Variants in GALNT18 observed in about 807,000 individuals in gnomAD.
The protein encoded by GALNT18 is GalNAc-transferase 18.
Under a neutral mutation model 69.5 loss-of-function variants are expected in GALNT18, and 44 were observed. The ratio of observed to expected loss-of-function variants is 0.63; its 90% CI spans 0.50 to 0.81. The LOEUF is 0.81. GALNT18 is among the 40% of genes least tolerant of loss of function. The pLI is 0.00. For synonymous variants in GALNT18, 364 were observed against 318.2 expected, an observed-to-expected ratio of 1.14 and a Z score of -1.53; for missense variants, 715 against 810.0, an observed-to-expected ratio of 0.88 and a Z score of 1.42.
intron 5 of GALNT18, among the ~76,000 whole-genome samples, chr11:11,374,759 A>C (rs1053099227): frequency 1.3e-5 from 2 of 152,252 alleles, no homozygotes; most frequent in African/African-American, 4.8e-5. Context: ...AAAATTTAAA[A>C]TACATAGAGA....
In GALNT18 at chr11:11,582,301, G is replaced by A. The variant is rs1262880078; in HGVS notation, c.235+39058C>T. 6.6e-6 allele frequency among the ~76,000 whole-genome samples: 1 copy of A among 152,204 alleles called. No individual in the cohort carries two copies. Among genetic ancestry groups the A allele is most frequent in the Non-Finnish European group, 1.5e-5 (1 of 68,046 alleles). ...TGGAGGGAGAAAAGGGCAGGGAGCTGGGCATGGCCAGGAGGCAAAGGGCCT... is the reference window on the plus strand; with the variant it reads ...TGGAGGGAGAAAAGGGCAGGGAGCTAGGCATGGCCAGGAGGCAAAGGGCCT... On this transcript the variant is annotated intron_variant, in intron 1 of 10. Transcript: ENST00000227756. The surrounding 1 kb of genome is among the most constrained non-coding windows in gnomAD (Gnocchi z 5.0).
rs1018881752 is a variant in GALNT18 at position 11,372,712 on chromosome 11, G to C, written c.978-83C>G. On this transcript the variant is annotated intron_variant, in intron 5 of 10. Coordinates refer to ENST00000227756, the MANE Select transcript of GALNT18 (RefSeq NM_198516.3). The surrounding 1 kb of genome is among the most constrained non-coding windows in gnomAD (Gnocchi z 4.9). ...GCAGTAAGGCCTTCCTATCAGGAGG[G>C]TCTGGTTCTCTTCCTTCCTTTGCTG... The C allele has an allele frequency of 2.8e-6, 3 of 1,065,394 alleles. No individual in the cohort carries two copies. The African/African-American group carries it at 4.7e-5, about 17-fold the overall frequency. The allele number at this position is 1,065,394 out of a possible 1,614,324, so 66.0% of individuals were successfully genotyped here.
At chr11:11,485,537 A>G (rs1856625144) in intron 1 of GALNT18, among the ~76,000 whole-genome samples, 1 of 152,226 alleles carries the variant, frequency 6.6e-6, no homozygotes, top group South Asian at 2.1e-4. Flanking sequence ...ATGAAGACCA[A>G]CTATGCATTT....
intron 3 of GALNT18, among the ~76,000 whole-genome samples, chr11:11,379,497 C>G (rs1417759595): frequency 6.6e-6 from 1 of 152,190 alleles, no homozygotes; most frequent in Non-Finnish European, 1.5e-5. Context: ...CAGCAATGCA[C>G]AGGGTCATAT....
At chr11:11,410,348 C>T (rs967228301) in intron 3 of GALNT18, among the ~76,000 whole-genome samples, 1 of 152,160 alleles carries the variant, frequency 6.6e-6, no homozygotes, top group Non-Finnish European at 1.5e-5. Flanking sequence ...GTGCCACCTG[C>T]TCCTTGCCAG....
At chr11:11,608,660 C>T (rs866453390) in intron 1 of GALNT18, among the ~76,000 whole-genome samples, 1 of 152,114 alleles carries the variant, frequency 6.6e-6, no homozygotes, top group Non-Finnish European at 1.5e-5. Context: ...AGCACCTGGC[C>T]GATTGTCTTC....
In GALNT18 at chr11:11,459,898, T is replaced by C. The variant is rs1232536901; in HGVS notation, c.236-10962A>G. Among the ~76,000 whole-genome samples, 3 of 152,122 alleles carry C rather than the reference T, an allele frequency of 2.0e-5. No individual in the cohort carries two copies. Among genetic ancestry groups the C allele is most frequent in the Non-Finnish European group, 4.4e-5 (3 of 68,012 alleles). ...AAAATCAAGGTGTTGGTAGGGCCAT[T>C]CTCCTTTCTGGAAGCTCTGGAGGAG... is the stretch of plus-strand genomic sequence containing the variant. On this transcript the variant is annotated intron_variant, in intron 1 of 10. Coordinates refer to ENST00000227756, the MANE Select transcript of GALNT18 (RefSeq NM_198516.3). The surrounding 1 kb of genome is among the most constrained non-coding windows in gnomAD (Gnocchi z 5.0).
Position 11,332,897 on chromosome 11 carries a change from T to G in GALNT18, c.1279-66A>C. On this transcript the variant is annotated intron_variant, in intron 7 of 10. Transcript: ENST00000227756. The surrounding 1 kb of genome is among the most constrained non-coding windows in gnomAD (Gnocchi z 4.3). ...GTTGCAGCTTCTCCCCAAACTCTAC[T>G]TTGGCATGACCTTGTGCCCCCAACA... 2 of 1,574,360 alleles carry G rather than the reference T, an allele frequency of 1.3e-6. No homozygotes were observed. Among genetic ancestry groups the G allele is most frequent in the Middle Eastern group, 2.3e-4 (1 of 4,426 alleles).
chr11:11,565,000 C>T lies in GALNT18; in HGVS notation c.235+56359G>A, dbSNP rs1257750414. Among the ~76,000 whole-genome samples, 1 of 152,172 alleles carries T rather than the reference C, an allele frequency of 6.6e-6. No homozygotes were observed. Among genetic ancestry groups the T allele is most frequent in the African/African-American group, 2.4e-5 (1 of 41,436 alleles). On this transcript the variant is annotated intron_variant, in intron 1 of 10. Coordinates refer to ENST00000227756, the MANE Select transcript of GALNT18 (RefSeq NM_198516.3). This position sits in a 1 kb window ranked among gnomAD's most constrained non-coding sequence, Gnocchi z 4.3. ...CTGCAGAAGATAATATATTCCTTCACAGGTTAAACTCGGGGTGCCAGGGAT... is the reference window on the plus strand; with the variant it reads ...CTGCAGAAGATAATATATTCCTTCATAGGTTAAACTCGGGGTGCCAGGGAT...
At position 11,377,229 on chromosome 11, in the gene GALNT18, A is replaced by C; in HGVS notation, c.930T>G (p.Asn310Lys). 1 of 1,613,416 alleles carries C rather than the reference A, an allele frequency of 6.2e-7. No individual in the cohort carries two copies. Among genetic ancestry groups the C allele is most frequent in the Non-Finnish European group, 8.5e-7 (1 of 1,179,966 alleles). Residue 310 changes from asparagine to lysine, a missense_variant, in exon 5 of 11, where the codon AAT becomes AAG. By Grantham distance (94) the Asn-to-Lys change is moderately conservative (BLOSUM62 0). Transcript: ENST00000227756. The surrounding 1 kb of genome is among the most constrained non-coding windows in gnomAD (Gnocchi z 4.6). ...CCAGCTTCCACCAGGCCTTGGGGGGATTTAGGTAGCGGCACCACAGCTCCC... is the reference window on the plus strand; with the variant it reads ...CCAGCTTCCACCAGGCCTTGGGGGGCTTTAGGTAGCGGCACCACAGCTCCC... ...FDWELWCRYL[N>K]PPKAWWKLEN...
At chr11:11,588,552 T>C (rs976485222) in intron 1 of GALNT18, among the ~76,000 whole-genome samples, 3 of 152,154 alleles carry the variant, frequency 2.0e-5, no homozygotes, top group African/African-American at 7.2e-5. Flanking sequence ...TTTTCTTCCT[T>C]ATCACTCAGC....
At chr11:11,278,070 C>T (rs1848986206) in intron 10 of GALNT18, among the ~76,000 whole-genome samples, 1 of 151,778 alleles carries the variant, frequency 6.6e-6, no homozygotes, top group Non-Finnish European at 1.5e-5. Context: ...AACCTTTTGC[C>T]TCGTTGATCT....
chr11:11,568,752 G>A (rs1858712748), intron 1 of GALNT18, among the ~76,000 whole-genome samples: 1 of 152,160 alleles, frequency 6.6e-6, no homozygotes, highest in African/African-American at 2.4e-5. Flanking sequence ...AAGGGCCTGG[G>A]TGACCTAGTA....
chr11:11,405,232 C>T (rs1038499771), intron 3 of GALNT18, among the ~76,000 whole-genome samples: 6 of 152,158 alleles, frequency 3.9e-5, no homozygotes, highest in Admixed American at 2.6e-4. Flanking sequence ...CTCCTCTTCC[C>T]TCCCTTAGTT....
chr11:11,288,202 C>T (rs532816941), intron 10 of GALNT18, among the ~76,000 whole-genome samples: 1 of 152,236 alleles, frequency 6.6e-6, no homozygotes, highest in African/African-American at 2.4e-5. Flanking sequence ...TTTCAACAAC[C>T]ATCATTATCT....
intron 1 of GALNT18, among the ~76,000 whole-genome samples, chr11:11,495,405 G>A (rs567939011): frequency 9.9e-5 from 15 of 152,134 alleles, no homozygotes; most frequent in South Asian, 2.1e-4. Flanking sequence ...ATTTAGAAAG[G>A]GATGACTTGT....
chr11:11,556,041 A>C (rs1590096107), intron 1 of GALNT18, among the ~76,000 whole-genome samples: 1 of 152,214 alleles, frequency 6.6e-6, no homozygotes, highest in African/African-American at 2.4e-5. Context: ...GAAGCAAAAC[A>C]ATCGCATGGA....
intron 1 of GALNT18, among the ~76,000 whole-genome samples, chr11:11,482,237 C>T (rs540725888): frequency 8.5e-5 from 13 of 152,340 alleles, no homozygotes; most frequent in African/African-American, 2.9e-4. Context: ...CATGTGCAGT[C>T]GGAGGGGCCT....
chr11:11,312,560 A>G (rs7929854), intron 9 of GALNT18, among the ~76,000 whole-genome samples: 39,185 of 152,078 alleles, frequency 0.26, 5,869 homozygotes, highest in Middle Eastern at 0.35. Context: ...TGGCAGAGGC[A>G]GAAGAAAATT....
Sources: gnomAD v4.1 joint callset for allele counts (sites outside exome capture counted in the v4.1 genomes callset) on GRCh38, gnomAD v4.1.1 for gene constraint, Gnocchi (gnomAD v3.1) non-coding constraint, MANE v1.5 for transcripts, NCBI Gene and HGNC (gene_info 2026-07-23, HGNC 2026-07-21) for gene names.